DIPK1A: variants seen among roughly 807,000 people sequenced by gnomAD.
DIPK1A encodes divergent protein kinase domain 1A.
A neutral mutation model predicts 40.8 loss-of-function variants in DIPK1A; 27 were observed. The observed-to-expected ratio is 0.66, with a 90% CI of 0.49 to 0.91. DIPK1A has a LOEUF of 0.91. Ranked by LOEUF, DIPK1A falls within the 40% of genes least tolerant of loss-of-function variation. The pLI is 0.00. For missense variants in DIPK1A, 412 were observed against 505.7 expected (o/e 0.81, Z 1.78); for synonymous variants, 166 against 171.3 (o/e 0.97, Z 0.24).
intron 1 of DIPK1A, among the ~76,000 whole-genome samples, chr1:92,949,700 G>A (rs2100908249): frequency 6.6e-6 from 1 of 152,284 alleles, no homozygotes; most frequent in East Asian, 1.9e-4. Context: ...AATATAAATG[G>A]TTAAAGAGAG....
chr1:92,924,007 C>A (rs1650378349), intron 1 of DIPK1A, among the ~76,000 whole-genome samples: 1 of 152,318 alleles, frequency 6.6e-6, no homozygotes, highest in Middle Eastern at 3.4e-3. Flanking sequence ...TTTAGGGACT[C>A]AAATAACATA....
At chr1:92,839,601 C>G (rs1687272160), downstream of DIPK1A, among the ~76,000 whole-genome samples, 1 of 152,156 alleles carries the variant, frequency 6.6e-6, no homozygotes, top group Non-Finnish European at 1.5e-5. Flanking sequence ...TGCTTGTTGG[C>G]CTGTGTCCAG....
In DIPK1A at chr1:92,961,370, G is replaced by C; in HGVS notation, c.54+6C>G. The stretch of plus-strand genomic sequence containing the variant: ...GCAGCTGGTGGCTGGGCGGCCGCCG[G>C]CCTACCTGGAGGTAATAGGGTTTCC... On this transcript the variant is annotated splice_donor_region_variant and intron_variant, in intron 1 of 4. Transcript: ENST00000370310. The C allele has an allele frequency of 6.6e-7, 1 of 1,513,078 alleles. No individual in the cohort carries two copies. The allele number at this position is 1,513,078 out of a possible 1,614,324, so 93.7% of individuals were successfully genotyped here.
chr1:92,914,547 T>C (rs1236927024), intron 1 of DIPK1A, among the ~76,000 whole-genome samples: 1 of 149,620 alleles, frequency 6.7e-6, no homozygotes, highest in Non-Finnish European at 1.5e-5. Flanking sequence ...AGGTGGGTGA[T>C]CACTTGAGGT....
chr1:92,904,337 A>G (rs374780171), intron 1 of DIPK1A, among the ~76,000 whole-genome samples: 2 of 152,190 alleles, frequency 1.3e-5, no homozygotes, highest in African/African-American at 2.4e-5. Context: ...ACCTTGCCAT[A>G]TGGGAAAATG....
At chr1:92,851,882 G>A (rs2100729111) in intron 2 of DIPK1A, among the ~76,000 whole-genome samples, 1 of 152,260 alleles carries the variant, frequency 6.6e-6, no homozygotes, top group Admixed American at 6.5e-5. Context: ...AAGATTTAAG[G>A]GGCACAAGCT....
chr1:92,900,792 A>G (rs979769072), intron 1 of DIPK1A, among the ~76,000 whole-genome samples: 73 of 151,862 alleles, frequency 4.8e-4, no homozygotes, highest in Admixed American at 4.8e-3. Context: ...AGCCCTGTGG[A>G]CCCAAGCTGC....
chr1:92,903,161 T>C (rs1649485833), intron 1 of DIPK1A, among the ~76,000 whole-genome samples: 1 of 152,166 alleles, frequency 6.6e-6, no homozygotes, highest in Non-Finnish European at 1.5e-5. Context: ...TCCTCCCACC[T>C]CAGCCTCACA....
At chr1:92,855,781 A>C (rs1687967873) in intron 2 of DIPK1A, among the ~76,000 whole-genome samples, 1 of 152,024 alleles carries the variant, frequency 6.6e-6, no homozygotes, top group South Asian at 2.1e-4. Flanking sequence ...TGAAGAAATA[A>C]ATGGAAAAAA....
Position 92,890,716 on chromosome 1 carries a change from T to C in DIPK1A, c.55-14286A>G, listed in dbSNP as rs12037947. ...CCAGTGTGCGGCTGGATTCAGTCTGTTACTATTTTACTGAGGATTTTTACA... is the reference window on the plus strand; with the variant it reads ...CCAGTGTGCGGCTGGATTCAGTCTGCTACTATTTTACTGAGGATTTTTACA... On this transcript the variant is annotated intron_variant, in intron 1 of 4. Transcript: ENST00000370310. Among the ~76,000 whole-genome samples, 63 of 152,320 alleles carry C rather than the reference T, an allele frequency of 4.1e-4. 1 individual carries two copies. In the East Asian group the frequency reaches 0.011, roughly 27 times the overall value.
chr1:92,947,700 G>A (rs1557496985), intron 1 of DIPK1A, among the ~76,000 whole-genome samples: 1 of 152,192 alleles, frequency 6.6e-6, no homozygotes, highest in Non-Finnish European at 1.5e-5. Flanking sequence ...TCAAAGTAAT[G>A]GAATACTATT....
intron 1 of DIPK1A, among the ~76,000 whole-genome samples, chr1:92,950,604 T>C (rs1408884458): frequency 6.6e-6 from 1 of 152,138 alleles, no homozygotes; most frequent in African/African-American, 2.4e-5. Flanking sequence ...ATTCAAAAGT[T>C]ATTTGGGAGG....
intron 1 of DIPK1A, among the ~76,000 whole-genome samples, chr1:92,888,075 T>C (rs1398368231): frequency 1.3e-5 from 2 of 152,090 alleles, no homozygotes; most frequent in Non-Finnish European, 2.9e-5. Flanking sequence ...TTGGAAAATA[T>C]ACAATGAATT....
chr1:92,834,760 A>G (rs1687049269), intron 4 of DIPK1A: 8 of 1,612,160 alleles, frequency 5.0e-6, no homozygotes, highest in Non-Finnish European at 5.9e-6. Flanking sequence ...TTACTAACCT[A>G]GTTTCTCTCT....
intron 4 of DIPK1A, 50 bp downstream of exon 4, chr1:92,847,133 C>G (rs1687666526): frequency 8.0e-7 from 1 of 1,252,970 alleles, no homozygotes. Flanking sequence ...CTGCCAATTC[C>G]TCTAAAGAGT....
downstream of DIPK1A, chr1:92,840,651 T>G (rs1466953841): frequency 3.8e-6 from 6 of 1,596,966 alleles, no homozygotes; most frequent in Admixed American, 8.4e-5. Flanking sequence ...TATGTCGTCT[T>G]TTTTTTTGTC....
chr1:92,876,496 C>T, intron 1 of DIPK1A, 66 bp from the exon 2 acceptor site: 1 of 1,512,496 alleles, frequency 6.6e-7, no homozygotes, highest in Non-Finnish European at 9.0e-7. Context: ...TGTCCTAGAA[C>T]ACGACTTCTC....
chr1:92,893,457 G>T (rs1018690313), intron 1 of DIPK1A, among the ~76,000 whole-genome samples: 20 of 151,870 alleles, frequency 1.3e-4, no homozygotes, highest in Admixed American at 9.2e-4. Context: ...AATGCTGAGA[G>T]ATTTTGTCAC....
downstream of DIPK1A, chr1:92,841,922 C>G: frequency 7.5e-7 from 1 of 1,331,908 alleles, no homozygotes; most frequent in South Asian, 1.2e-5. Flanking sequence ...TGAACAGCAA[C>G]TATTTCTGTG....
Sources: gnomAD v4.1 joint callset for allele counts (sites outside exome capture counted in the v4.1 genomes callset) on GRCh38, gnomAD v4.1.1 for gene constraint, MANE v1.5 for transcripts, NCBI Gene and HGNC (gene_info 2026-07-23, HGNC 2026-07-21) for gene names.